RAP1GAP2: variants seen among roughly 807,000 people sequenced by gnomAD.
The protein encoded by RAP1GAP2 is rap1 GTPase-activating protein 2.
In RAP1GAP2, 27 loss-of-function variants were observed where a neutral mutation model predicts 95.0. That is an observed-to-expected ratio of 0.28 (90% CI 0.21 to 0.39). The LOEUF (loss-of-function observed/expected upper bound fraction) is 0.39. Among genes scored for constraint, RAP1GAP2 ranks in the 10% least tolerant of loss-of-function variants. RAP1GAP2 has a pLI of 1.00. For synonymous variants in RAP1GAP2, 373 were observed against 380.9 expected, an observed-to-expected ratio of 0.98 and a Z score of 0.24; for missense variants, 771 against 970.0, an observed-to-expected ratio of 0.79 and a Z score of 2.72.
chr17:2,781,812 G>A (rs557920646), intron 1 of RAP1GAP2, among the ~76,000 whole-genome samples: 2 of 148,154 alleles, frequency 1.3e-5, no homozygotes, highest in African/African-American at 2.5e-5. Context: ...GTGTGTGCAC[G>A]TCTCTGTGTG....
chr17:2,759,225 A>T (rs1218363445), intron 1 of RAP1GAP2, among the ~76,000 whole-genome samples: 1 of 152,182 alleles, frequency 6.6e-6, no homozygotes, highest in African/African-American at 2.4e-5. Flanking sequence ...TGTGGCAAAG[A>T]ACATTCTTGA....
chr17:2,924,084 C>T (rs1239442545), intron 3 of RAP1GAP2, among the ~76,000 whole-genome samples: 2 of 152,190 alleles, frequency 1.3e-5, no homozygotes, highest in Non-Finnish European at 2.9e-5. Flanking sequence ...ATAAAAAGAA[C>T]CAAACCTTTG....
In RAP1GAP2 at chr17:2,978,054, A is replaced by T. The variant is rs74676979; in HGVS notation, c.597-2233A>T. Among the ~76,000 whole-genome samples the T allele has an allele frequency of 9.1e-3, 1,386 of 152,278 alleles. 26 individuals are homozygous for T. The highest frequency in any genetic ancestry group is 0.032 in the African/African-American group (1,312 of 41,558). ...CACATGTCATCCTCTTTTCACCTTA[A>T]CTAAGCATTTATGCACTGTGGGCAT... On this transcript the variant is annotated intron_variant, in intron 8 of 24. Coordinates refer to ENST00000254695, the MANE Select transcript of RAP1GAP2 (RefSeq NM_015085.5).
At chr17:2,979,710 C>A (rs8064648) in intron 8 of RAP1GAP2, among the ~76,000 whole-genome samples, 64,092 of 151,528 alleles carry the variant, frequency 0.42, 13,906 homozygotes, top group African/African-American at 0.51. Flanking sequence ...CGTGATCCAC[C>A]CTCTTTGGCT....
chr17:2,868,616 C>G (rs1380185210), intron 2 of RAP1GAP2, among the ~76,000 whole-genome samples: 2 of 150,498 alleles, frequency 1.3e-5, no homozygotes, highest in Admixed American at 1.3e-4. Context: ...CTCCCAGGTT[C>G]AAGCTATTCT....
chr17:2,795,479 C>T (rs1234016883), upstream of RAP1GAP2, among the ~76,000 whole-genome samples: 1 of 152,202 alleles, frequency 6.6e-6, no homozygotes, highest in African/African-American at 2.4e-5. Context: ...AGGACGAACC[C>T]TGCGGTTCAG....
chr17:2,951,986 A>G (rs528443911), intron 3 of RAP1GAP2, among the ~76,000 whole-genome samples: 1 of 152,130 alleles, frequency 6.6e-6, no homozygotes, highest in Non-Finnish European at 1.5e-5. Flanking sequence ...GTGAGCCAAG[A>G]TTGCGCCACT....
At position 2,820,891 on chromosome 17, in the gene RAP1GAP2, G is replaced by GTTTTTTTTTTTTTTTTTTTT. The variant is rs1475267891; in HGVS notation, c.80+20341_80+20342insTTTTTTTTTTTTTTTTTTTT. Among the ~76,000 whole-genome samples the GTTTTTTTTTTTTTTTTTTTT allele has an allele frequency of 2.3e-4, 26 of 113,998 alleles. 1 individual carries two copies. The highest frequency in any genetic ancestry group is 4.7e-3 in the Middle Eastern group (1 of 214). 74.8% of individuals were successfully genotyped at this position (113,998 alleles called of 152,430 possible). A position where few individuals can be genotyped will look rare whatever the true frequency, so the allele number is the denominator to read the frequency against. ...TGCCCGCCACCACGGCCCGGATAAT[G>GTTTTTTTTTTTTTTTTTTTT]GTTTTTTTTTTTTTTTTTGTATTTT... On this transcript the variant is annotated intron_variant, in intron 2 of 24. Transcript: ENST00000254695.
intron 2 of RAP1GAP2, among the ~76,000 whole-genome samples, chr17:2,814,877 C>T (rs1187961801): frequency 6.6e-6 from 1 of 152,110 alleles, no homozygotes; most frequent in East Asian, 1.9e-4. Context: ...AGCCATTGCC[C>T]CTTTCTTCGG....
chr17:2,899,429 T>A (rs541008929), intron 2 of RAP1GAP2, among the ~76,000 whole-genome samples: 2 of 152,256 alleles, frequency 1.3e-5, no homozygotes, highest in South Asian at 2.1e-4. Context: ...GCCAGGATGG[T>A]CTCGATCTCC....
intron 2 of RAP1GAP2, among the ~76,000 whole-genome samples, chr17:2,815,721 A>G (rs1281258412): frequency 6.6e-6 from 1 of 152,076 alleles, no homozygotes; most frequent in Admixed American, 6.5e-5. Flanking sequence ...ACCTCAGGTG[A>G]TCCGCCCACC....
At chr17:2,927,961 G>A (rs1367443584) in intron 3 of RAP1GAP2, among the ~76,000 whole-genome samples, 1 of 152,200 alleles carries the variant, frequency 6.6e-6, no homozygotes, top group East Asian at 1.9e-4. Context: ...GATGGAATAT[G>A]TGCCTAAGCA....
In RAP1GAP2 at chr17:2,960,123, C is replaced by CAAAAAAA. The variant is rs71153316; in HGVS notation, c.201+2341_201+2347dup. Among the ~76,000 whole-genome samples the CAAAAAAA allele has an allele frequency of 9.5e-3, 769 of 80,816 alleles. 33 individuals are homozygous for CAAAAAAA. Among genetic ancestry groups the CAAAAAAA allele is most frequent in the African/African-American group, 0.034 (676 of 19,798 alleles). 53.0% of individuals were successfully genotyped at this position (80,816 alleles called of 152,430 possible). On this transcript the variant is annotated intron_variant, in intron 4 of 24. Transcript: ENST00000254695. ...TGGATGGCAGAGCAAGACTCCATCT[C>CAAAAAAA]AAAAAAAAAAAAAAAAAACAACAAA... is the stretch of plus-strand genomic sequence containing the variant.
chr17:2,832,174 A>T (rs1342152421), intron 2 of RAP1GAP2, among the ~76,000 whole-genome samples: 3 of 139,420 alleles, frequency 2.2e-5, no homozygotes, highest in Non-Finnish European at 4.6e-5. Flanking sequence ...ATTGCATTCC[A>T]GTCTGGGTGA....
chr17:2,974,539 G>A (rs1194587675), intron 8 of RAP1GAP2, among the ~76,000 whole-genome samples: 1 of 151,864 alleles, frequency 6.6e-6, no homozygotes, highest in African/African-American at 2.4e-5. Context: ...TAATTAGAAA[G>A]TGACAAGAAA....
At chr17:3,006,836 TAG>T (rs1368184497) in intron 16 of RAP1GAP2, among the ~76,000 whole-genome samples, 1 of 148,912 alleles carries the variant, frequency 6.7e-6, no homozygotes, top group Non-Finnish European at 1.5e-5. Context: ...GTACACAGGG[TAG>T]TCGGGGGGTG....
At chr17:2,922,626 G>C (rs1025725653) in intron 3 of RAP1GAP2, among the ~76,000 whole-genome samples, 21 of 152,168 alleles carry the variant, frequency 1.4e-4, no homozygotes, top group Non-Finnish European at 2.2e-4. Flanking sequence ...GCTCCAGCTC[G>C]CACAAATGGG....
Position 2,905,433 on chromosome 17 carries a change from T to C in RAP1GAP2, c.165+65T>C, listed in dbSNP as rs1597572296. The stretch of plus-strand genomic sequence containing the variant: ...GTGGGGAAGTTGTGAGGCCTTGCTG[T>C]GGCTTTGGCTCCAGGCCCAGCAGCG... On this transcript the variant is annotated intron_variant, in intron 3 of 24. Coordinates refer to ENST00000254695, the MANE Select transcript of RAP1GAP2 (RefSeq NM_015085.5). The C allele has an allele frequency of 2.6e-6, 4 of 1,517,576 alleles. No individual in the cohort carries two copies. The East Asian group carries it at 9.3e-5, about 35-fold the overall frequency. 94.0% of individuals were successfully genotyped at this position (1,517,576 alleles called of 1,614,324 possible). A position where few individuals can be genotyped will look rare whatever the true frequency, so the allele number is the denominator to read the frequency against.
intron 12 of RAP1GAP2, among the ~76,000 whole-genome samples, 179 bp downstream of exon 12, chr17:2,991,576 CAG>C (rs34542136): frequency 0.055 from 8,330 of 152,112 alleles, 725 homozygotes; most frequent in African/African-American, 0.19. Flanking sequence ...AGGAGTGATC[CAG>C]TGTGGCAGAT....
Sources: allele counts gnomAD v4.1 joint callset (sites outside exome capture counted in the v4.1 genomes callset), GRCh38; gene constraint gnomAD v4.1.1; transcripts MANE v1.5; gene names NCBI Gene and HGNC (gene_info 2026-07-23, HGNC 2026-07-21).